ZBTB38: variants seen among roughly 807,000 people sequenced by gnomAD.
ZBTB38 encodes zinc finger and BTB domain containing 38.
A neutral mutation model predicts 76.8 loss-of-function variants in ZBTB38; 20 were observed. That is an observed-to-expected ratio of 0.26 (90% confidence interval 0.18 to 0.38). The LOEUF (loss-of-function observed/expected upper bound fraction) is 0.38, where lower values mean the gene tolerates loss of function less well. Among genes scored for constraint, ZBTB38 ranks in the 10% least tolerant of loss-of-function variants. ZBTB38 has a pLI of 1.00. For synonymous variants in ZBTB38, 504 were observed against 544.2 expected (o/e 0.93, Z 1.03); for missense variants, 1,082 against 1,482.3 (o/e 0.73, Z 4.43).
chr3:141,353,828 A>C (rs974215449), intron 1 of ZBTB38, among the ~76,000 whole-genome samples: 1 of 152,142 alleles, frequency 6.6e-6, no homozygotes, highest in African/African-American at 2.4e-5. Context: ...CTGTAGATGG[A>C]GACAGCTTCT....
intron 1 of ZBTB38, among the ~76,000 whole-genome samples, chr3:141,358,779 T>C (rs1436561230): frequency 3.3e-5 from 5 of 152,228 alleles, no homozygotes; most frequent in African/African-American, 1.2e-4. Context: ...TCTGCCCCTA[T>C]AGATTTCCCT....
intron 1 of ZBTB38, among the ~76,000 whole-genome samples, chr3:141,337,816 T>C (rs1943059521): frequency 6.6e-6 from 1 of 152,236 alleles, no homozygotes; most frequent in African/African-American, 2.4e-5. Flanking sequence ...AGCTCATTTT[T>C]GCAGGGAAGA....
intron 5 of ZBTB38, among the ~76,000 whole-genome samples, chr3:141,429,471 G>A (rs1286554417): frequency 1.3e-5 from 2 of 152,168 alleles, no homozygotes. Flanking sequence ...AGCCTGGTTT[G>A]TGTTTCAAAT....
intron 1 of ZBTB38, among the ~76,000 whole-genome samples, chr3:141,369,204 G>A (rs965538477): frequency 2.6e-5 from 4 of 152,066 alleles, no homozygotes; most frequent in African/African-American, 9.7e-5. Context: ...AATAAACCCT[G>A]TTCTAGGCAA....
chr3:141,334,646 C>G (rs544285891), intron 1 of ZBTB38, among the ~76,000 whole-genome samples: 62 of 152,240 alleles, frequency 4.1e-4, no homozygotes, highest in African/African-American at 1.4e-3. Context: ...GAGATACTCT[C>G]TCAGGCAGGG....
chr3:141,375,834 T>C (rs374091564), intron 2 of ZBTB38, among the ~76,000 whole-genome samples: 19 of 152,162 alleles, frequency 1.2e-4, no homozygotes, highest in Admixed American at 9.8e-4. Flanking sequence ...GGGAGGTACC[T>C]GCCCCAAGCC....
chr3:141,357,560 C>T (rs1943698170), intron 1 of ZBTB38, among the ~76,000 whole-genome samples: 1 of 152,118 alleles, frequency 6.6e-6, no homozygotes, highest in East Asian at 1.9e-4. Flanking sequence ...GATGAAGTCT[C>T]GCTCTGTTGC....
intron 5 of ZBTB38, among the ~76,000 whole-genome samples, chr3:141,437,984 T>A (rs2079176028): frequency 6.6e-6 from 1 of 152,124 alleles, no homozygotes; most frequent in Non-Finnish European, 1.5e-5. Context: ...CAATCTTGGC[T>A]CACTGCAATC....
chr3:141,363,008 TGAA>T (rs749769005), intron 1 of ZBTB38, among the ~76,000 whole-genome samples: 81 of 152,156 alleles, frequency 5.3e-4, no homozygotes, highest in Non-Finnish European at 9.6e-4. Context: ...TTTTCTCAGA[TGAA>T]GAAAAAGAAC....
At chr3:141,390,277 T>C (rs2149321917) in intron 4 of ZBTB38, among the ~76,000 whole-genome samples, 1 of 152,328 alleles carries the variant, frequency 6.6e-6, no homozygotes, top group East Asian at 1.9e-4. Flanking sequence ...TTTGAAAAGC[T>C]ATCCTGAACC....
chr3:141,443,066 T>G lies in ZBTB38; in HGVS notation c.678T>G (p.Ser226=). The change falls in exon 6 of 6, where the codon TCT becomes TCG. Residue 226 remains serine, a synonymous_variant. Coordinates refer to ENST00000321464, the MANE Select transcript of ZBTB38 (RefSeq NM_001376113.1). This position sits in a 1 kb window ranked among gnomAD's most constrained non-coding sequence, Gnocchi z 5.6. ...TTGCCGAGCACTCATACGCTGTTTCTTCCGTAGCTGAAGCTTACAGAAGTC... is the reference window on the plus strand; with the variant it reads ...TTGCCGAGCACTCATACGCTGTTTCGTCCGTAGCTGAAGCTTACAGAAGTC... ...RTLAEHSYAV[S]SVAEAYRSQP... 1 of 1,614,250 alleles carries G rather than the reference T, an allele frequency of 6.2e-7. No individual in the cohort carries two copies. Among genetic ancestry groups the G allele is most frequent in the Non-Finnish European group, 8.5e-7 (1 of 1,180,038 alleles).
intron 5 of ZBTB38, among the ~76,000 whole-genome samples, chr3:141,423,488 T>G (rs1216246221): frequency 1.3e-5 from 2 of 152,206 alleles, no homozygotes; most frequent in African/African-American, 4.8e-5. Context: ...CTAATTAACT[T>G]GTACATGTGC....
chr3:141,395,688 A>C (rs1950199525), intron 4 of ZBTB38, among the ~76,000 whole-genome samples: 1 of 152,208 alleles, frequency 6.6e-6, no homozygotes, highest in African/African-American at 2.4e-5. Flanking sequence ...TTCACTTATA[A>C]ACTCTAAAAT....
At chr3:141,325,468 G>T (rs936846090) in intron 1 of ZBTB38, among the ~76,000 whole-genome samples, 24 of 152,274 alleles carry the variant, frequency 1.6e-4, no homozygotes, top group African/African-American at 4.6e-4. Flanking sequence ...ATTAAACATA[G>T]TTTGTACAGA....
At chr3:141,371,045 C>CTTTCCTTTTTTTTTTTTTTTT in intron 2 of ZBTB38, among the ~76,000 whole-genome samples, 1 of 72,012 alleles carries the variant, frequency 1.4e-5, no homozygotes, top group African/African-American at 7.8e-5. Context: ...TTCTTTCTTT[C>CTTTCCTTTTTTTTTTTTTTTT]TTTTTTTTTT....
chr3:141,328,638 C>T (rs906852769), intron 1 of ZBTB38, among the ~76,000 whole-genome samples: 4 of 152,118 alleles, frequency 2.6e-5, no homozygotes, highest in Non-Finnish European at 5.9e-5. Context: ...CTCCTCCAGC[C>T]CCTGGGTAAC....
chr3:141,341,327 CAT>C (rs1417488772), intron 1 of ZBTB38, among the ~76,000 whole-genome samples: 1 of 152,192 alleles, frequency 6.6e-6, no homozygotes, highest in East Asian at 1.9e-4. Flanking sequence ...TAAATTAAAA[CAT>C]ATGTCTACAC....
At chr3:141,375,407 A>T (rs1209997093) in intron 2 of ZBTB38, among the ~76,000 whole-genome samples, 2 of 152,232 alleles carry the variant, frequency 1.3e-5, no homozygotes, top group Non-Finnish European at 2.9e-5. Flanking sequence ...GCCCTGCCTC[A>T]GCCAAGGAGC....
At chr3:141,406,550 C>T (rs1954507616) in intron 5 of ZBTB38, among the ~76,000 whole-genome samples, 1 of 152,236 alleles carries the variant, frequency 6.6e-6, no homozygotes, top group East Asian at 1.9e-4. Flanking sequence ...CATGCTGTCT[C>T]CCAGGCAGAA....
Sources: allele counts gnomAD v4.1 joint callset (sites outside exome capture counted in the v4.1 genomes callset), GRCh38; gene constraint gnomAD v4.1.1; non-coding constraint Gnocchi (gnomAD v3.1); transcripts MANE v1.5; gene names NCBI Gene and HGNC (gene_info 2026-07-23, HGNC 2026-07-21).